The following ZNF385D variants were observed in gnomAD, a reference collection of about 807,000 sequenced individuals.
ZNF385D encodes the protein zinc finger protein 659.
A neutral mutation model predicts 35.8 loss-of-function variants in ZNF385D; 15 were observed. That is an observed-to-expected ratio of 0.42 (90% confidence interval 0.28 to 0.64). ZNF385D has a LOEUF of 0.64. Ranked by LOEUF, ZNF385D falls within the 30% of genes least tolerant of loss-of-function variation. The pLI, the probability that ZNF385D is intolerant of heterozygous loss-of-function variation, is 0.23. For synonymous variants in ZNF385D, 212 were observed against 186.8 expected (o/e 1.13, Z -1.10); for missense variants, 474 against 494.6 (o/e 0.96, Z 0.39).
Position 22,163,821 on chromosome 3 carries a change from G to A in ZNF385D, c.325+4996C>T, listed in dbSNP as rs148720414. On this transcript the variant is annotated intron_variant, in intron 3 of 5. Coordinates refer to the ZNF385D transcript ENST00000494108. ...AAGTTTGTGAAGATGAAAGTTCAAAGCAATCATTTTGCAATTGTGCATGTT... is the reference window on the plus strand; with the variant it reads ...AAGTTTGTGAAGATGAAAGTTCAAAACAATCATTTTGCAATTGTGCATGTT... Among the ~76,000 whole-genome samples, 78 of 152,270 alleles carry A rather than the reference G, an allele frequency of 5.1e-4. No homozygotes were observed. In the East Asian group the frequency reaches 5.2e-3, roughly 10 times the overall value.
rs145270307 is a variant in ZNF385D at position 22,082,221 on chromosome 3, C to T, written c.325+86596G>A. Among the ~76,000 whole-genome samples the T allele has an allele frequency of 8.1e-4, 123 of 152,098 alleles. 1 individual carries two copies. In the East Asian group the frequency reaches 0.014, roughly 18 times the overall value. ...CAGGTTGGACAGTGGATGCAGCCCA[C>T]GGAGGGTGAGCTGAAGCAGGGCAGG... is the stretch of plus-strand genomic sequence containing the variant. On this transcript the variant is annotated intron_variant, in intron 3 of 5. Transcript: ENST00000494108.
At chr3:21,800,502 C>T (rs2072347181) in intron 3 of ZNF385D, among the ~76,000 whole-genome samples, 1 of 152,124 alleles carries the variant, frequency 6.6e-6, no homozygotes, top group Admixed American at 6.6e-5. Flanking sequence ...GCTGGTCATA[C>T]TGGCACAAGC....
At chr3:21,560,737 G>A (rs547838503) in intron 3 of ZNF385D, among the ~76,000 whole-genome samples, 2 of 152,292 alleles carry the variant, frequency 1.3e-5, no homozygotes, top group South Asian at 2.1e-4. Context: ...TGCTGAAGCT[G>A]CGCCTATAGC....
intron 2 of ZNF385D, among the ~76,000 whole-genome samples, chr3:21,651,932 G>A (rs1379822409): frequency 6.6e-6 from 1 of 152,088 alleles, no homozygotes; most frequent in Non-Finnish European, 1.5e-5. Context: ...TGCTAGGAGG[G>A]TAATGTTAAT....
rs1446962645 is a variant in ZNF385D at position 22,340,677 on chromosome 3, A to G, written c.106+31773T>C. Among the ~76,000 whole-genome samples, 24 of 152,262 alleles carry G rather than the reference A, an allele frequency of 1.6e-4. 1 individual carries two copies. The highest frequency in any genetic ancestry group is 3.4e-4 in the Non-Finnish European group (23 of 68,014). ...AATAATAATAAGATGTGAATAGGAC[A>G]TAAGACATACAAGAGATACAAATAC... On this transcript the variant is annotated intron_variant, in intron 2 of 5. Coordinates refer to the ZNF385D transcript ENST00000494108.
intron 2 of ZNF385D, among the ~76,000 whole-genome samples, chr3:22,328,609 A>G (rs993265771): frequency 2.6e-5 from 4 of 151,230 alleles, no homozygotes; most frequent in Non-Finnish European, 5.9e-5. Flanking sequence ...CTAAAAATAC[A>G]AAAATTAGCT....
chr3:22,198,611 C>A (rs1157871389), intron 2 of ZNF385D, among the ~76,000 whole-genome samples: 1 of 152,096 alleles, frequency 6.6e-6, no homozygotes, highest in South Asian at 2.1e-4. Context: ...TATTTAAAAT[C>A]TTTCAGACCT....
intron 1 of ZNF385D, among the ~76,000 whole-genome samples, chr3:21,735,810 C>T (rs2069215847): frequency 6.6e-6 from 1 of 152,192 alleles, no homozygotes; most frequent in African/African-American, 2.4e-5. Flanking sequence ...CCTTGTCCTC[C>T]TCACAGTCTT....
At chr3:21,740,670 G>C (rs116483965) in intron 1 of ZNF385D, among the ~76,000 whole-genome samples, 3 of 152,084 alleles carry the variant, frequency 2.0e-5, no homozygotes, top group Non-Finnish European at 4.4e-5. Flanking sequence ...ACAATGTGTC[G>C]TGGGGAAAGA....
intron 3 of ZNF385D, among the ~76,000 whole-genome samples, chr3:21,899,899 C>T (rs1357067545): frequency 3.3e-5 from 5 of 152,080 alleles, no homozygotes; most frequent in African/African-American, 1.2e-4. Flanking sequence ...AATGGAACAA[C>T]TTTAACTAAT....
intron 3 of ZNF385D, among the ~76,000 whole-genome samples, chr3:22,165,426 C>A (rs1305496752): frequency 3.3e-5 from 5 of 152,148 alleles, no homozygotes; most frequent in Non-Finnish European, 7.4e-5. Flanking sequence ...GGGAGCTGAT[C>A]AGTTGCAAAA....
chr3:22,150,064 G>C (rs532958068), intron 3 of ZNF385D, among the ~76,000 whole-genome samples: 1 of 152,152 alleles, frequency 6.6e-6, no homozygotes, highest in African/African-American at 2.4e-5. Flanking sequence ...AGAGATTGCT[G>C]AAGTACTTTC....
At chr3:22,113,099 A>G (rs1702623867) in intron 3 of ZNF385D, among the ~76,000 whole-genome samples, 1 of 152,074 alleles carries the variant, frequency 6.6e-6, no homozygotes, top group Non-Finnish European at 1.5e-5. Context: ...GCCAACAATG[A>G]GCTGTAAGAA....
At chr3:22,049,624 A>C (rs1332110318) in intron 3 of ZNF385D, among the ~76,000 whole-genome samples, 1 of 152,120 alleles carries the variant, frequency 6.6e-6, no homozygotes, top group Middle Eastern at 3.2e-3. Flanking sequence ...TTCAAAATTT[A>C]GTTTGATGTT....
At chr3:22,007,628 A>C (rs1696294718) in intron 3 of ZNF385D, among the ~76,000 whole-genome samples, 1 of 152,190 alleles carries the variant, frequency 6.6e-6, no homozygotes, top group African/African-American at 2.4e-5. Flanking sequence ...GTATTTCGTC[A>C]CAGTTTTGTC....
At chr3:22,080,112 C>G (rs1302709095) in intron 3 of ZNF385D, among the ~76,000 whole-genome samples, 1 of 152,100 alleles carries the variant, frequency 6.6e-6, no homozygotes, top group African/African-American at 2.4e-5. Flanking sequence ...TTTGCCATTA[C>G]AGTTTGTCAT....
chr3:21,954,859 A>T (rs903647306), intron 3 of ZNF385D, among the ~76,000 whole-genome samples: 9 of 152,082 alleles, frequency 5.9e-5, no homozygotes, highest in African/African-American at 2.2e-4. Flanking sequence ...ACTGAAAGTG[A>T]AGCTTTACAA....
In ZNF385D at chr3:21,699,087, C is replaced by G. The variant is rs558834144; in HGVS notation, c.23-34059G>C. On this transcript the variant is annotated intron_variant, in intron 1 of 7. Transcript: ENST00000281523. ...ACAATAGCAAAGACTTGGAACCAAC[C>G]CAAATGTCCATCAATGATAGACTGG... Among the ~76,000 whole-genome samples, 3 of 152,174 alleles carry G rather than the reference C, an allele frequency of 2.0e-5. No homozygotes were observed. The East Asian group carries it at 5.8e-4, about 29-fold the overall frequency.
intron 3 of ZNF385D, among the ~76,000 whole-genome samples, chr3:21,949,904 G>T (rs1331580781): frequency 6.6e-6 from 1 of 152,078 alleles, no homozygotes; most frequent in Non-Finnish European, 1.5e-5. Flanking sequence ...TTTTATGGCT[G>T]CATAGTATTC....
Sources: gnomAD v4.1 joint callset for allele counts (sites outside exome capture counted in the v4.1 genomes callset) on GRCh38, gnomAD v4.1.1 for gene constraint, MANE v1.5 for transcripts, NCBI Gene and HGNC (gene_info 2026-07-23, HGNC 2026-07-21) for gene names.